Variants in PLEKHA5 observed in about 807,000 individuals in gnomAD.
The protein encoded by PLEKHA5 is pleckstrin homology domain-containing family A member 5.
In PLEKHA5, 55 loss-of-function variants were observed where a neutral mutation model predicts 181.9. The ratio of observed to expected loss-of-function variants is 0.30; its 90% confidence interval spans 0.24 to 0.38. The LOEUF is 0.38. PLEKHA5 is among the 10% of genes least tolerant of loss of function. The pLI is 1.00. For synonymous variants in PLEKHA5, 535 were observed against 529.4 expected (o/e 1.01, Z -0.15); for missense variants, 1,432 against 1,549.5 (o/e 0.92, Z 1.27).
chr12:19,313,559 T>C (rs2087383448), intron 15 of PLEKHA5, among the ~76,000 whole-genome samples: 1 of 152,150 alleles, frequency 6.6e-6, no homozygotes, highest in African/African-American at 2.4e-5. Flanking sequence ...CAAAAGTCGT[T>C]GATGTATAAC....
rs1217333049 is a variant in PLEKHA5, at chr12:19,291,627, T to A, written c.1984-17T>A. 6 of 1,463,232 alleles carry A rather than the reference T, an allele frequency of 4.1e-6. No individual in the cohort carries two copies. The highest frequency in any genetic ancestry group is 3.7e-6 in the Non-Finnish European group (4 of 1,086,640). The allele number at this position is 1,463,232 out of a possible 1,614,324, so 90.6% of individuals were successfully genotyped here. Reference sequence around the variant, plus strand: ...TCCTCTTTCTCTGTCCCTTTTTTCTTAATTGGTGCCTACTAGAATGAAATT... The same window carrying A: ...TCCTCTTTCTCTGTCCCTTTTTTCTAAATTGGTGCCTACTAGAATGAAATT... On this transcript the variant is annotated splice_polypyrimidine_tract_variant and intron_variant, in intron 14 of 31. Coordinates refer to ENST00000429027, the MANE Select transcript of PLEKHA5 (RefSeq NM_001256470.2).
intron 15 of PLEKHA5, among the ~76,000 whole-genome samples, chr12:19,312,834 A>G (rs570934300): frequency 6.6e-6 from 1 of 152,324 alleles, no homozygotes; most frequent in Non-Finnish European, 1.5e-5. Context: ...GTTTACCACA[A>G]GAGGTCTAGT....
At chr12:19,349,982 C>G (rs554921137) in intron 25 of PLEKHA5, among the ~76,000 whole-genome samples, 3 of 152,096 alleles carry the variant, frequency 2.0e-5, no homozygotes, top group Non-Finnish European at 4.4e-5. Flanking sequence ...CATGGTAGCA[C>G]ACACCTGTAG....
intron 3 of PLEKHA5, among the ~76,000 whole-genome samples, chr12:19,178,102 C>T (rs1191613598): frequency 6.6e-6 from 1 of 152,154 alleles, no homozygotes; most frequent in Non-Finnish European, 1.5e-5. Context: ...CCATTGAGCA[C>T]TCACCCCCAC....
chr12:19,350,955 C>CTT lies in PLEKHA5; in HGVS notation c.3019+2456_3019+2457dup, dbSNP rs35006570. Among the ~76,000 whole-genome samples, 851 of 112,412 alleles carry CTT rather than the reference C, an allele frequency of 7.6e-3. 2 individuals are homozygous for CTT. The highest frequency in any genetic ancestry group is 9.2e-3 in the Non-Finnish European group (519 of 56,582). The allele number at this position is 112,412 out of a possible 152,430, so 73.7% of individuals were successfully genotyped here. A position where few individuals can be genotyped will look rare whatever the true frequency, so the allele number is the denominator to read the frequency against. On this transcript the variant is annotated intron_variant, in intron 25 of 31. Coordinates refer to ENST00000429027, the MANE Select transcript of PLEKHA5 (RefSeq NM_001256470.2). ...CTAATCCTGTCTCCTTATTCAAAGT[C>CTT]TTTTTTTTTTTTTTTTTTTTTGAGA...
intron 3 of PLEKHA5, among the ~76,000 whole-genome samples, chr12:19,240,859 G>C (rs551476657): frequency 6.6e-5 from 10 of 152,190 alleles, no homozygotes; most frequent in Admixed American, 4.6e-4. Flanking sequence ...TTGAAAGTCA[G>C]TAAGACTCTT....
chr12:19,217,687 G>A (rs1395548430), intron 3 of PLEKHA5, among the ~76,000 whole-genome samples: 4 of 152,108 alleles, frequency 2.6e-5, no homozygotes, highest in South Asian at 4.2e-4. Flanking sequence ...CAAAAGCTGC[G>A]TAGACATCAA....
intron 3 of PLEKHA5, among the ~76,000 whole-genome samples, chr12:19,212,835 GTTTT>G (rs11290352): frequency 7.2e-6 from 1 of 138,138 alleles, no homozygotes; most frequent in Admixed American, 7.2e-5. Context: ...TTTTTTTGTT[GTTTT>G]TTTTTTTTTT....
intron 20 of PLEKHA5, among the ~76,000 whole-genome samples, chr12:19,328,246 T>G (rs2092448516): frequency 6.6e-6 from 1 of 152,194 alleles, no homozygotes; most frequent in African/African-American, 2.4e-5. Flanking sequence ...TAGTATAGTT[T>G]GAAGTCAGGT....
At chr12:19,203,648 A>T (rs12814637) in intron 3 of PLEKHA5, among the ~76,000 whole-genome samples, 127,480 of 152,032 alleles carry the variant, frequency 0.84, 54,898 homozygotes, top group Non-Finnish European at 0.95. Context: ...CTAAACTCTC[A>T]AGAACACTAA....
chr12:19,249,006 C>A (rs1465667204), intron 3 of PLEKHA5, among the ~76,000 whole-genome samples: 1 of 152,040 alleles, frequency 6.6e-6, no homozygotes, highest in African/African-American at 2.4e-5. Flanking sequence ...TTATGTTTTT[C>A]TCACTGCTTT....
chr12:19,269,035 TATTA>T lies in PLEKHA5; in HGVS notation c.712-731_712-728del, dbSNP rs2071582773. 2.6e-5 allele frequency among the ~76,000 whole-genome samples: 4 copies of T among 152,146 alleles called. No individual in the cohort carries two copies. The South Asian group carries it at 6.2e-4, about 24-fold the overall frequency. ...GGAAATGCCATAACATGTACATTTCTATTAATTTTGTTGCTGGTTGCTGGGAATA... is the reference window on the plus strand; with the variant it reads ...GGAAATGCCATAACATGTACATTTCTATTTTGTTGCTGGTTGCTGGGAATA... On this transcript the variant is annotated intron_variant, in intron 8 of 31. Coordinates refer to ENST00000429027, the MANE Select transcript of PLEKHA5 (RefSeq NM_001256470.2).
chr12:19,235,455 A>G (rs534639769), intron 3 of PLEKHA5, among the ~76,000 whole-genome samples: 2 of 152,344 alleles, frequency 1.3e-5, no homozygotes, highest in African/African-American at 4.8e-5. Flanking sequence ...GAAGAAATAC[A>G]GTCAGCCACT....
At chr12:19,239,464 G>T (rs1331579626) in intron 3 of PLEKHA5, among the ~76,000 whole-genome samples, 2 of 152,156 alleles carry the variant, frequency 1.3e-5, no homozygotes, top group Non-Finnish European at 2.9e-5. Context: ...TCATCTGCAA[G>T]TGAGAAATTT....
chr12:19,133,642 G>C (rs951667479), intron 3 of PLEKHA5, among the ~76,000 whole-genome samples: 2 of 151,870 alleles, frequency 1.3e-5, no homozygotes, highest in Non-Finnish European at 2.9e-5. Flanking sequence ...AAGATACTTA[G>C]ATAAAACGTC....
In PLEKHA5 at chr12:19,345,823, C is replaced by T. The variant is rs748374396; in HGVS notation, c.2663-19C>T. ...TAGAAAGATATGTTTAATATAGTTA[C>T]GTTTTCTAATATTCCCAGGTATGAT... On this transcript the variant is annotated intron_variant, in intron 22 of 31. Transcript: ENST00000429027. 2.2e-5 allele frequency: 27 copies of T among 1,230,500 alleles called. No homozygotes were observed. Among genetic ancestry groups the T allele is most frequent in the Non-Finnish European group, 3.1e-5 (26 of 851,394 alleles). 76.2% of individuals were successfully genotyped at this position (1,230,500 alleles called of 1,614,324 possible).
chr12:19,354,870 G>A (rs909664282), intron 26 of PLEKHA5, among the ~76,000 whole-genome samples: 9 of 152,120 alleles, frequency 5.9e-5, no homozygotes, highest in Non-Finnish European at 1.0e-4. Context: ...TAGACATGGG[G>A]TCATAGTCGT....
chr12:19,320,009 AT>A lies in PLEKHA5; in HGVS notation c.2119-10del. ...TCAATTAAACCCATCCTTTTCCTTCATTATCTTTTAGTTCTTAAGACAGAAG... is the reference window on the plus strand; with the variant it reads ...TCAATTAAACCCATCCTTTTCCTTCATATCTTTTAGTTCTTAAGACAGAAG... On this transcript the variant is annotated splice_polypyrimidine_tract_variant and intron_variant, in intron 16 of 31. Transcript: ENST00000429027. The A allele has an allele frequency of 7.4e-7, 1 of 1,353,200 alleles. No homozygotes were observed. 83.8% of individuals were successfully genotyped at this position (1,353,200 alleles called of 1,614,324 possible).
At chr12:19,312,941 A>C (rs1438068861) in intron 15 of PLEKHA5, among the ~76,000 whole-genome samples, 1 of 152,104 alleles carries the variant, frequency 6.6e-6, no homozygotes, top group Non-Finnish European at 1.5e-5. Flanking sequence ...TCTTCCTTTC[A>C]CTTGCACTGT....
Sources: gnomAD v4.1 joint callset for allele counts (sites outside exome capture counted in the v4.1 genomes callset) on GRCh38, gnomAD v4.1.1 for gene constraint, MANE v1.5 for transcripts, NCBI Gene and HGNC (gene_info 2026-07-23, HGNC 2026-07-21) for gene names.